Variants in CCDC178 observed in about 807,000 individuals in gnomAD.
CCDC178 encodes coiled-coil domain containing 178, also known as coiled-coil domain-containing protein 178.
In CCDC178, 126 loss-of-function variants were observed where a neutral mutation model predicts 117.4. That is an observed-to-expected ratio of 1.07 (90% CI 0.93 to 1.24). The LOEUF (loss-of-function observed/expected upper bound fraction) is 1.24, where lower values mean the gene tolerates loss of function less well. Ranked by LOEUF, CCDC178 falls within the 50% of genes most tolerant of loss-of-function variation. The pLI is 0.00. For missense variants in CCDC178, 1,030 were observed against 986.9 expected, an observed-to-expected ratio of 1.04 and a Z score of -0.59; for synonymous variants, 283 against 313.4, an observed-to-expected ratio of 0.90 and a Z score of 1.02.
At chr18:33,145,455 A>G (rs1240172510) in intron 20 of CCDC178, among the ~76,000 whole-genome samples, 2 of 152,160 alleles carry the variant, frequency 1.3e-5, no homozygotes. Context: ...TTCAATTTTA[A>G]GTATGATTTA....
chr18:33,105,910 CTG>C (rs1165168626), intron 20 of CCDC178, among the ~76,000 whole-genome samples: 2 of 151,422 alleles, frequency 1.3e-5, no homozygotes, highest in African/African-American at 2.4e-5. Context: ...CATGAAATGA[CTG>C]TAGTTGATTT....
At chr18:33,052,347 T>A (rs2056760341) in intron 21 of CCDC178, among the ~76,000 whole-genome samples, 1 of 152,196 alleles carries the variant, frequency 6.6e-6, no homozygotes, top group South Asian at 2.1e-4. Context: ...AAATTTCATT[T>A]CTTTGTCAAC....
chr18:32,946,708 G>A (rs950665605), intron 22 of CCDC178, among the ~76,000 whole-genome samples: 1 of 109,796 alleles, frequency 9.1e-6, no homozygotes, highest in African/African-American at 3.3e-5. Context: ...ACTTTGGATC[G>A]TTGTGGTTTT....
intron 4 of CCDC178, among the ~76,000 whole-genome samples, chr18:33,391,402 G>A (rs1039550925): frequency 6.6e-6 from 1 of 152,050 alleles, no homozygotes; most frequent in Non-Finnish European, 1.5e-5. Flanking sequence ...TGTGGCATAT[G>A]AAGTTCAGAA....
At chr18:33,081,163 A>G (rs1336202118) in intron 21 of CCDC178, among the ~76,000 whole-genome samples, 1 of 152,132 alleles carries the variant, frequency 6.6e-6, no homozygotes, top group African/African-American at 2.4e-5. Context: ...AACTGTCACA[A>G]TGTGTCTGAG....
intron 20 of CCDC178, among the ~76,000 whole-genome samples, chr18:33,152,258 ACT>A (rs1302708571): frequency 8.5e-5 from 13 of 152,238 alleles, no homozygotes; most frequent in African/African-American, 3.1e-4. Context: ...CTATTCTATA[ACT>A]CTACACCCAG....
At chr18:32,973,705 C>T (rs553100395) in intron 22 of CCDC178, among the ~76,000 whole-genome samples, 6 of 152,022 alleles carry the variant, frequency 3.9e-5, no homozygotes, top group Non-Finnish European at 1.5e-5. Context: ...ATATGAAGTG[C>T]GTGTATAATA....
At chr18:33,376,316 T>G (rs1370064811) in intron 5 of CCDC178, among the ~76,000 whole-genome samples, 3 of 152,124 alleles carry the variant, frequency 2.0e-5, no homozygotes, top group Admixed American at 2.0e-4. Context: ...GAGCCCTTTT[T>G]TGCCCTGCTC....
chr18:33,207,204 G>C (rs941347466), intron 20 of CCDC178, among the ~76,000 whole-genome samples: 1 of 151,938 alleles, frequency 6.6e-6, no homozygotes, highest in African/African-American at 2.4e-5. Context: ...CATAGAAAAA[G>C]AACTAAATAA....
intron 20 of CCDC178, among the ~76,000 whole-genome samples, chr18:33,137,327 A>G: frequency 6.6e-6 from 1 of 152,222 alleles, no homozygotes. Flanking sequence ...CTGATTTCAT[A>G]AAATATAGTC....
chr18:33,191,129 A>T (rs146889925), intron 20 of CCDC178, among the ~76,000 whole-genome samples: 57 of 152,314 alleles, frequency 3.7e-4, no homozygotes, highest in East Asian at 1.5e-3. Context: ...CTAAGAAATT[A>T]GATTACCACA....
chr18:33,394,526 A>C (rs749733424), intron 4 of CCDC178, among the ~76,000 whole-genome samples: 4 of 151,912 alleles, frequency 2.6e-5, no homozygotes, highest in African/African-American at 4.8e-5. Context: ...GCAGTTCTAC[A>C]CTCAAATAAC....
At chr18:33,397,019 C>T (rs2063646807) in intron 4 of CCDC178, 130 bp downstream of exon 4, 12 of 631,528 alleles carry the variant, frequency 1.9e-5, no homozygotes, top group Admixed American at 3.0e-5. Context: ...CGATTATTCT[C>T]ATTGATAGAA....
intron 18 of CCDC178, among the ~76,000 whole-genome samples, chr18:33,216,120 A>G (rs182509091): frequency 6.6e-6 from 1 of 152,114 alleles, no homozygotes; most frequent in Admixed American, 6.6e-5. Context: ...TGAGGTTTAT[A>G]TTCTCCACTG....
At chr18:33,393,936 G>C (rs967340616) in intron 4 of CCDC178, among the ~76,000 whole-genome samples, 4 of 151,904 alleles carry the variant, frequency 2.6e-5, no homozygotes, top group Non-Finnish European at 4.4e-5. Flanking sequence ...TCTCAGGACA[G>C]AGAGATTCCT....
chr18:33,304,860 C>T (rs2062227292), intron 11 of CCDC178, among the ~76,000 whole-genome samples: 1 of 152,194 alleles, frequency 6.6e-6, no homozygotes, highest in African/African-American at 2.4e-5. Context: ...AAAAGGAAGG[C>T]AGCGCTCAAG....
At chr18:33,002,875 G>T (rs1249811815) in intron 21 of CCDC178, among the ~76,000 whole-genome samples, 1 of 151,960 alleles carries the variant, frequency 6.6e-6, no homozygotes, top group Admixed American at 6.6e-5. Context: ...AATTCAAAGG[G>T]TCATTAGCAG....
At chr18:33,212,972 C>T (rs530238760) in intron 19 of CCDC178, among the ~76,000 whole-genome samples, 16 of 151,962 alleles carry the variant, frequency 1.1e-4, no homozygotes, top group African/African-American at 3.4e-4. Flanking sequence ...ACAAGTCTAC[C>T]GATACAGAAA....
At chr18:33,149,646 G>A (rs996296318) in intron 20 of CCDC178, among the ~76,000 whole-genome samples, 3 of 152,060 alleles carry the variant, frequency 2.0e-5, no homozygotes, top group Admixed American at 6.6e-5. Context: ...TGTATAATGA[G>A]GTCTCCATCT....
Sources: gnomAD v4.1 joint callset for allele counts (sites outside exome capture counted in the v4.1 genomes callset) on GRCh38, gnomAD v4.1.1 for gene constraint, MANE v1.5 for transcripts, NCBI Gene and HGNC (gene_info 2026-07-23, HGNC 2026-07-21) for gene names.